Variants in IQANK1 observed in about 807,000 individuals in gnomAD.
IQANK1 encodes the protein IQ motif and ankyrin repeat containing 1.
In IQANK1, 30 loss-of-function variants were observed where a neutral mutation model predicts 22.6. The observed-to-expected ratio is 1.33, with a 90% CI of 0.99 to 1.80. IQANK1 has a LOEUF of 1.80. Among genes scored for constraint, IQANK1 ranks in the 40% most tolerant of loss-of-function variants. IQANK1 has a pLI of 0.00. For synonymous variants in IQANK1, 122 were observed against 99.6 expected (o/e 1.23, Z -1.34); for missense variants, 275 against 235.2 (o/e 1.17, Z -1.11).
chr8:143,743,034 T>TG (rs551837857), intron 3 of IQANK1: 4 of 455,836 alleles, frequency 8.8e-6, no homozygotes, highest in Middle Eastern at 3.2e-4. Flanking sequence ...GCCCAGGAGA[T>TG]GGGGGGGCCC....
intron 3 of IQANK1, among the ~76,000 whole-genome samples, chr8:143,752,612 C>T (rs1356991967): frequency 3.3e-5 from 5 of 152,234 alleles, no homozygotes; most frequent in African/African-American, 1.2e-4. Context: ...TGGTGGTCCT[C>T]AAAGATTATA....
chr8:143,753,876 T>C (rs1819240421), intron 3 of IQANK1, among the ~76,000 whole-genome samples: 1 of 152,196 alleles, frequency 6.6e-6, no homozygotes, highest in African/African-American at 2.4e-5. Context: ...AATAATGTGG[T>C]AACTCTGGAA....
At chr8:143,778,707 A>G (rs4875051) in intron 7 of IQANK1, among the ~76,000 whole-genome samples, 87,344 of 152,162 alleles carry the variant, frequency 0.57, 30,452 homozygotes, top group Non-Finnish European at 0.77. Flanking sequence ...CACTTCATCC[A>G]TCTCGCCCCA....
chr8:143,764,451 CAAAAA>C (rs33978948), intron 3 of IQANK1, among the ~76,000 whole-genome samples: 1 of 129,500 alleles, frequency 7.7e-6, no homozygotes, highest in Admixed American at 7.9e-5. Context: ...TCCGTCGCTA[CAAAAA>C]AAAAAAAAAA....
At position 143,789,785 on chromosome 8, in the gene IQANK1, G is replaced by C; in HGVS notation, c.1111G>C (p.Val371Leu). The change falls in exon 11 of 14, where the codon GTG becomes CTG. Residue 371 changes from valine (V) to leucine (L), a missense_variant. Val to Leu is a conservative substitution (Grantham distance 32, BLOSUM62 1). Transcript: ENST00000527139. ...LQAIKDTEAQ[V>L]DRLRQEAQKA... is the part of the protein sequence containing the mutation. ...GGCCATCAAGGACACAGAGGCCCAG[G>C]TGGACAGGCTGCGGCAGGAGGCCCA... 1 of 1,232,158 alleles carries C rather than the reference G, an allele frequency of 8.1e-7. No individual in the cohort carries two copies. The highest frequency in any genetic ancestry group is 1.0e-6 in the Non-Finnish European group (1 of 988,106). 76.3% of individuals were successfully genotyped at this position (1,232,158 alleles called of 1,614,324 possible).
chr8:143,779,070 A>G (rs1224790023), intron 7 of IQANK1, among the ~76,000 whole-genome samples: 1 of 152,176 alleles, frequency 6.6e-6, no homozygotes, highest in Non-Finnish European at 1.5e-5. Flanking sequence ...CCCAGCCATG[A>G]GTCATTTATT....
chr8:143,748,842 T>TATATAAATATATATATCATATATAA, intron 3 of IQANK1, among the ~76,000 whole-genome samples: 1 of 109,932 alleles, frequency 9.1e-6, no homozygotes, highest in Non-Finnish European at 1.6e-5. Context: ...CATATATAAA[T>TATATAAATATATATATCATATATAA]ATATAAATAT....
At chr8:143,778,654 C>T (rs1554630702) in intron 7 of IQANK1, among the ~76,000 whole-genome samples, 2 of 152,230 alleles carry the variant, frequency 1.3e-5, no homozygotes, top group African/African-American at 2.4e-5. Context: ...TGTCCATCAC[C>T]ATCCCTTCAT....
chr8:143,748,555 G>T (rs1563770169), intron 3 of IQANK1, among the ~76,000 whole-genome samples: 17 of 125,346 alleles, frequency 1.4e-4, no homozygotes, highest in African/African-American at 3.9e-4. Flanking sequence ...TATAAATATA[G>T]ATATATATAT....
In IQANK1 at chr8:143,735,210, G is replaced by T. The variant is rs1818698574; in HGVS notation, c.-4-640G>T. On this transcript the variant is annotated intron_variant, in intron 1 of 13. Coordinates refer to ENST00000527139, the MANE Select transcript of IQANK1 (RefSeq NM_001381874.1). The surrounding 1 kb of genome is among the most constrained non-coding windows in gnomAD (Gnocchi z 5.2). ...CCCAGGCAACTGTGCTGCAGCGGGT[G>T]AGGGGCATGGGGCACCGGGGAGGAC... Among the ~76,000 whole-genome samples the T allele has an allele frequency of 6.6e-6, 1 of 152,252 alleles. No individual in the cohort carries two copies. The highest frequency in any genetic ancestry group is 6.5e-5 in the Admixed American group (1 of 15,290).
In IQANK1 at chr8:143,751,658, G is replaced by GTATATATATATATATATATA. The variant is rs1325258601; in HGVS notation, c.175+11711_175+11712insATATATATATATATATATAT. ...TGTGTGTGTGTGTGTGTGTGTGTGT[G>GTATATATATATATATATATA]TGTGTGTATATATATATATAAAATC... On this transcript the variant is annotated intron_variant, in intron 3 of 13. Transcript: ENST00000527139. 2.0e-3 allele frequency among the ~76,000 whole-genome samples: 78 copies of GTATATATATATATATATATA among 38,796 alleles called. 1 individual carries two copies. Among genetic ancestry groups the GTATATATATATATATATATA allele is most frequent in the Non-Finnish European group, 4.7e-3 (51 of 10,824 alleles). 25.5% of individuals were successfully genotyped at this position (38,796 alleles called of 152,430 possible). A position where few individuals can be genotyped will look rare whatever the true frequency, so the allele number is the denominator to read the frequency against.
intron 9 of IQANK1, 36 bp downstream of exon 9, chr8:143,789,279 G>A (rs1819963930): frequency 5.0e-6 from 2 of 403,836 alleles, no homozygotes; most frequent in South Asian, 1.3e-4. Context: ...AGGAAAGGAG[G>A]AGGGAGAGCC....
intron 3 of IQANK1, chr8:143,742,274 C>T: frequency 2.4e-6 from 1 of 423,816 alleles, no homozygotes; most frequent in Non-Finnish European, 4.8e-6. Flanking sequence ...ACTCTTCCCA[C>T]CCACAGGAAG....
intron 7 of IQANK1, among the ~76,000 whole-genome samples, chr8:143,786,081 T>C (rs914513019): frequency 6.6e-6 from 1 of 152,208 alleles, no homozygotes. Context: ...CAGGCTGGTC[T>C]TCAACTTCTG....
chr8:143,763,669 T>G (rs1819435500), intron 3 of IQANK1, among the ~76,000 whole-genome samples: 1 of 152,208 alleles, frequency 6.6e-6, no homozygotes, highest in Non-Finnish European at 1.5e-5. Flanking sequence ...CCTTCTACCA[T>G]GAGTAAAGGC....
intron 9 of IQANK1, 96 bp from the exon 10 acceptor site, chr8:143,789,340 C>A: frequency 1.8e-6 from 1 of 565,552 alleles, no homozygotes; most frequent in Non-Finnish European, 2.6e-6. Context: ...GGGGGAAGAG[C>A]CAGGAGGGGA....
chr8:143,785,652 T>C (rs578117796), intron 7 of IQANK1, among the ~76,000 whole-genome samples: 6 of 151,060 alleles, frequency 4.0e-5, no homozygotes, highest in Admixed American at 2.6e-4. Context: ...CTTGACCCCC[T>C]GGGTTCAAAT....
In IQANK1 at chr8:143,751,664, G is replaced by GTGTATATATATATATATATA. The variant is rs370428606; in HGVS notation, c.175+11717_175+11718insGTATATATATATATATATAT. ...TGTGTGTGTGTGTGTGTGTGTGTGT[G>GTGTATATATATATATATATA]TATATATATATATAAAATCCTATAC... On this transcript the variant is annotated intron_variant, in intron 3 of 13. Coordinates refer to ENST00000527139, the MANE Select transcript of IQANK1 (RefSeq NM_001381874.1). Among the ~76,000 whole-genome samples the GTGTATATATATATATATATA allele has an allele frequency of 2.9e-3, 176 of 61,520 alleles. 2 individuals carry two copies. The highest frequency in any genetic ancestry group is 4.5e-3 in the Non-Finnish European group (122 of 27,220). 40.4% of individuals were successfully genotyped at this position (61,520 alleles called of 152,430 possible). A position where few individuals can be genotyped will look rare whatever the true frequency, so the allele number is the denominator to read the frequency against.
chr8:143,788,222 G>A (rs1819930783), intron 7 of IQANK1, among the ~76,000 whole-genome samples: 1 of 152,226 alleles, frequency 6.6e-6, no homozygotes, highest in Non-Finnish European at 1.5e-5. Flanking sequence ...GGTCAAGCGT[G>A]ATGCCGGGAC....
Sources: allele counts gnomAD v4.1 joint callset (sites outside exome capture counted in the v4.1 genomes callset), GRCh38; gene constraint gnomAD v4.1.1; non-coding constraint Gnocchi (gnomAD v3.1); transcripts MANE v1.5; gene names NCBI Gene and HGNC (gene_info 2026-07-23, HGNC 2026-07-21).